The following MITD1 variants were observed in gnomAD, a reference collection of about 807,000 sequenced individuals.
The protein encoded by MITD1 is microtubule interacting and trafficking domain containing 1, also known as MIT domain-containing protein 1.
A neutral mutation model predicts 34.9 loss-of-function variants in MITD1; 24 were observed. That is an observed-to-expected ratio of 0.69 (90% CI 0.50 to 0.97). MITD1 has a LOEUF of 0.97. Among genes scored for constraint, MITD1 ranks in the 50% least tolerant of loss-of-function variants. The pLI is 0.00. For missense variants in MITD1, 266 were observed against 294.6 expected (o/e 0.90, Z 0.71); for synonymous variants, 102 against 101.4 (o/e 1.01, Z -0.04).
chr2:99,162,659 G>C (rs745982392), intron 7 of MITD1: 4 of 1,614,152 alleles, frequency 2.5e-6, no homozygotes, highest in Non-Finnish European at 3.4e-6. Flanking sequence ...TTGCTACAGA[G>C]TATGCTGCTT....
chr2:99,178,049 CTACTG>C (rs2093897384), intron 1 of MITD1, among the ~76,000 whole-genome samples: 1 of 152,176 alleles, frequency 6.6e-6, no homozygotes, highest in Admixed American at 6.5e-5. Context: ...GAACAGTACT[CTACTG>C]TATATATGTG....
chr2:99,176,673 CGTGT>C (rs200140249), intron 1 of MITD1, among the ~76,000 whole-genome samples: 2,250 of 147,512 alleles, frequency 0.015, 18 homozygotes, highest in Non-Finnish European at 0.024. Context: ...TGTATGTGTG[CGTGT>C]GTGTGTGCGC....
At chr2:99,175,597 T>G (rs780528932) in intron 1 of MITD1, among the ~76,000 whole-genome samples, 13 of 152,232 alleles carry the variant, frequency 8.5e-5, no homozygotes, top group East Asian at 3.8e-4. Flanking sequence ...TTTTCTCTTT[T>G]GTAATTTGTA....
intron 1 of MITD1, among the ~76,000 whole-genome samples, chr2:99,180,017 G>A (rs984319430): frequency 1.3e-5 from 2 of 152,134 alleles, no homozygotes; most frequent in African/African-American, 4.8e-5. Context: ...TTGGGGAGCA[G>A]GAGCTGATCT....
chr2:99,173,737 C>CAA, intron 2 of MITD1, 178 bp downstream of exon 2: 2 of 628,420 alleles, frequency 3.2e-6, no homozygotes, highest in Admixed American at 5.8e-5. Flanking sequence ...AACAAACAAA[C>CAA]AAACAAAAAA....
chr2:99,164,516 T>C (rs964475177), downstream of MITD1, among the ~76,000 whole-genome samples: 2 of 146,444 alleles, frequency 1.4e-5, no homozygotes, highest in Non-Finnish European at 1.5e-5. Context: ...TCTTTTAATA[T>C]ATCTCAGTAG....
downstream of MITD1, among the ~76,000 whole-genome samples, chr2:99,166,189 T>TAA (rs554451762): frequency 2.3e-5 from 3 of 132,812 alleles, no homozygotes; most frequent in East Asian, 6.6e-4. Flanking sequence ...GAGTGTGAAT[T>TAA]AAAAAAAAAA....
intron 2 of MITD1, chr2:99,172,275 C>T (rs1184553737): frequency 5.3e-5 from 8 of 151,772 alleles, no homozygotes; most frequent in South Asian, 2.1e-4. Flanking sequence ...GTAGTCCCAA[C>T]TACCTGGGGG....
chr2:99,180,202 C>T (rs1183005490), intron 1 of MITD1, among the ~76,000 whole-genome samples: 2 of 152,200 alleles, frequency 1.3e-5, no homozygotes, highest in Non-Finnish European at 1.5e-5. Flanking sequence ...AACTTTTCTT[C>T]TTCTACCGCT....
chr2:99,175,950 T>C (rs1451170911), intron 1 of MITD1, among the ~76,000 whole-genome samples: 1 of 152,188 alleles, frequency 6.6e-6, no homozygotes, highest in Non-Finnish European at 1.5e-5. Flanking sequence ...TGTTTCATTT[T>C]GTTTCGCTGA....
intron 4 of MITD1, 55 bp downstream of exon 4, chr2:99,171,288 C>T (rs1013258242): frequency 2.0e-5 from 27 of 1,333,678 alleles, no homozygotes; most frequent in Non-Finnish European, 2.6e-5. Flanking sequence ...GACTGGACTA[C>T]ATCTTGTAAC....
downstream of MITD1, among the ~76,000 whole-genome samples, chr2:99,165,061 C>CACACACACACACACAT (rs370053233): frequency 5.0e-4 from 68 of 135,272 alleles, no homozygotes; most frequent in African/African-American, 1.7e-3. Context: ...CACACACACA[C>CACACACACACACACAT]ATATATATAT....
rs116463717 is a variant in MITD1, at chr2:99,162,570, A to G, written c.*4-352T>C. The G allele has an allele frequency of 1.7e-3, 2,761 of 1,614,180 alleles. 43 individuals are homozygous for G. The African/African-American group carries it at 0.033, about 19-fold the overall frequency. ...TTACCAAGGGATCAGGAGCAATGCC[A>G]CTGCTAGCATACCTTCCTTAGTGAA... On this transcript the variant is annotated intron_variant, in intron 7 of 7. Transcript: ENST00000422537.
chr2:99,177,613 T>C (rs1038240827), intron 1 of MITD1, among the ~76,000 whole-genome samples: 2 of 152,174 alleles, frequency 1.3e-5, no homozygotes, highest in African/African-American at 4.8e-5. Flanking sequence ...AACACATTAT[T>C]AACTCTAGTC....
intron 7 of MITD1, chr2:99,163,201 A>C: frequency 3.4e-6 from 2 of 596,128 alleles, no homozygotes; most frequent in Non-Finnish European, 5.5e-6. Flanking sequence ...ACAAAACACA[A>C]CAACCTAGTC....
downstream of MITD1, among the ~76,000 whole-genome samples, chr2:99,167,711 C>G (rs947896812): frequency 6.6e-6 from 1 of 152,186 alleles, no homozygotes; most frequent in African/African-American, 2.4e-5. Flanking sequence ...AGCAAAGATA[C>G]TCTGCAGAAA....
chr2:99,165,019 TACACACACACACACACACACAC>T (rs56958044), downstream of MITD1, among the ~76,000 whole-genome samples: 368 of 136,768 alleles, frequency 2.7e-3, 1 homozygote, highest in Admixed American at 7.7e-3. Context: ...CAAAATGGCA[TACACACACACACACACACACAC>T]ACACACACAC....
chr2:99,168,530 C>G (rs151027011), downstream of MITD1, among the ~76,000 whole-genome samples: 2 of 152,322 alleles, frequency 1.3e-5, no homozygotes, highest in African/African-American at 4.8e-5. Context: ...TGTCTCCAAC[C>G]ACACAACTGG....
downstream of MITD1, among the ~76,000 whole-genome samples, chr2:99,165,051 C>G (rs527906556): frequency 2.6e-3 from 314 of 122,448 alleles, no homozygotes; most frequent in Middle Eastern, 7.7e-3. Flanking sequence ...CACACACACA[C>G]ACACACACAC....
Sources: allele counts gnomAD v4.1 joint callset (sites outside exome capture counted in the v4.1 genomes callset), GRCh38; gene constraint gnomAD v4.1.1; transcripts MANE v1.5; gene names NCBI Gene and HGNC (gene_info 2026-07-23, HGNC 2026-07-21).